OR1J2: variants seen among roughly 807,000 people sequenced by gnomAD.
The protein encoded by OR1J2 is olfactory receptor family 1 subfamily J member 2.
For missense variants in OR1J2, 304 were observed against 246.1 expected, an observed-to-expected ratio of 1.24 and a Z score of -1.57; for synonymous variants, 142 against 99.7, an observed-to-expected ratio of 1.42 and a Z score of -2.52.
chr9:122,493,823 A>G, the OR1J2 span, among the ~76,000 whole-genome samples: 2 of 152,098 alleles, frequency 1.3e-5, no homozygotes, highest in African/African-American at 4.8e-5. Flanking sequence ...TTCTTGATGT[A>G]GGCATTTAAT....
At chr9:122,548,871 TTC>T in the OR1J2 span, among the ~76,000 whole-genome samples, 2 of 151,744 alleles carry the variant, frequency 1.3e-5, no homozygotes, top group African/African-American at 4.8e-5. Context: ...AACATTAGTC[TTC>T]TGTCAGATGC....
At chr9:122,519,088 G>T in the OR1J2 span, 2 of 1,265,224 alleles carry the variant, frequency 1.6e-6, no homozygotes, top group Non-Finnish European at 2.2e-6. Flanking sequence ...ACATTTGTTT[G>T]TTTCTGCCTT....
chr9:122,489,604 A>G, the OR1J2 span, among the ~76,000 whole-genome samples: 1 of 152,164 alleles, frequency 6.6e-6, no homozygotes, highest in East Asian at 1.9e-4. Context: ...GCAATTATCT[A>G]TTGTTTTTCA....
At chr9:122,459,079 A>G in the OR1J2 span, among the ~76,000 whole-genome samples, 1 of 152,118 alleles carries the variant, frequency 6.6e-6, no homozygotes, top group African/African-American at 2.4e-5. Flanking sequence ...CTGTGCCTGG[A>G]TTATTTCACT....
At chr9:122,523,056 G>T in the OR1J2 span, among the ~76,000 whole-genome samples, 1 of 152,032 alleles carries the variant, frequency 6.6e-6, no homozygotes, top group Non-Finnish European at 1.5e-5. Context: ...TACTTACATG[G>T]TAGTAACACA....
At chr9:122,537,727 T>C in the OR1J2 span, among the ~76,000 whole-genome samples, 1 of 152,164 alleles carries the variant, frequency 6.6e-6, no homozygotes, top group Non-Finnish European at 1.5e-5. Context: ...TTTCCTGGGC[T>C]GGCATCTGAA....
rs202005283 is a variant in OR1J2, at chr9:122,510,827, T to A, written c.26T>A (p.Val9Glu). MSPENQSSVSEFLLLGLPI... is the reference protein window; with the variant it reads MSPENQSSESEFLLLGLPI... ...ATGAGCCCTGAGAACCAGAGCAGCG[T>A]GTCCGAGTTCCTCCTTCTGGGCCTC... Residue 9 changes from valine (V) to glutamate (E), a missense_variant, in exon 1 of 1, where the codon GTG becomes GAG. By Grantham distance (121) the Val-to-Glu change is moderately radical. Transcript: ENST00000335302. 11 of 1,598,574 alleles carry A rather than the reference T, an allele frequency of 6.9e-6. No homozygotes were observed. In the Admixed American group the frequency reaches 1.5e-4, roughly 22 times the overall value.
the OR1J2 span, among the ~76,000 whole-genome samples, chr9:122,484,045 G>A: frequency 6.6e-6 from 1 of 151,122 alleles, no homozygotes; most frequent in African/African-American, 2.5e-5. Flanking sequence ...GCTTCATGAA[G>A]TAATCAATAT....
At chr9:122,525,874 A>G in the OR1J2 span, among the ~76,000 whole-genome samples, 66 of 152,160 alleles carry the variant, frequency 4.3e-4, 1 homozygote, top group Non-Finnish European at 8.2e-4. Context: ...AATGCCACAA[A>G]CAAAACAAGT....
At chr9:122,517,169 AATATGAAGATATGAAG>A in the OR1J2 span, among the ~76,000 whole-genome samples, 1 of 152,194 alleles carries the variant, frequency 6.6e-6, no homozygotes. Context: ...AGAACTCACA[AATATGAAGATATGAAG>A]TGATGTTGCC....
the OR1J2 span, among the ~76,000 whole-genome samples, chr9:122,450,788 A>G: frequency 6.6e-6 from 1 of 151,868 alleles, no homozygotes; most frequent in Non-Finnish European, 1.5e-5. Context: ...CCACTGTTCT[A>G]CTCTTTACTT....
downstream of OR1J2, among the ~76,000 whole-genome samples, chr9:122,513,854 G>A (rs761997440): frequency 5.9e-5 from 9 of 152,118 alleles, no homozygotes; most frequent in African/African-American, 2.2e-4. Flanking sequence ...AGACAATGCA[G>A]CACATTAAAA....
chr9:122,485,397 A>G, the OR1J2 span, among the ~76,000 whole-genome samples: 19 of 152,200 alleles, frequency 1.2e-4, no homozygotes, highest in African/African-American at 4.6e-4. Flanking sequence ...CCACATCTTC[A>G]TAGATTGTAG....
the OR1J2 span, among the ~76,000 whole-genome samples, chr9:122,558,776 T>A: frequency 5.1e-4 from 78 of 152,004 alleles, no homozygotes; most frequent in African/African-American, 1.9e-3. Flanking sequence ...TTGTAGTTGA[T>A]TTTGATATTC....
At chr9:122,489,683 G>T in the OR1J2 span, among the ~76,000 whole-genome samples, 2 of 152,104 alleles carry the variant, frequency 1.3e-5, 1 homozygote, top group South Asian at 4.2e-4. Flanking sequence ...ATGCCTCAAG[G>T]GGCTCACACA....
At chr9:122,492,424 T>G in the OR1J2 span, among the ~76,000 whole-genome samples, 2 of 152,316 alleles carry the variant, frequency 1.3e-5, no homozygotes, top group East Asian at 3.9e-4. Context: ...GTTGGTTCCA[T>G]GTCTTTGCTA....
the OR1J2 span, among the ~76,000 whole-genome samples, chr9:122,540,450 G>T: frequency 6.6e-6 from 1 of 151,970 alleles, no homozygotes; most frequent in Admixed American, 6.6e-5. Flanking sequence ...ATTTCTGAGG[G>T]CTCTGTTCTG....
At chr9:122,473,832 G>T in the OR1J2 span, among the ~76,000 whole-genome samples, 36 of 152,160 alleles carry the variant, frequency 2.4e-4, no homozygotes, top group Non-Finnish European at 4.0e-4. Flanking sequence ...AATGGTAAAA[G>T]ATTTATTTGC....
chr9:122,451,939 T>G, the OR1J2 span, among the ~76,000 whole-genome samples: 6,299 of 152,232 alleles, frequency 0.041, 169 homozygotes, highest in Middle Eastern at 0.13. Context: ...AGTGCAGTAG[T>G]GCGGTGTTGG....
Sources: allele counts gnomAD v4.1 joint callset (sites outside exome capture counted in the v4.1 genomes callset), GRCh38; gene constraint gnomAD v4.1.1; transcripts MANE v1.5; gene names NCBI Gene and HGNC (gene_info 2026-07-23, HGNC 2026-07-21).